Variants in ABCB5 observed in about 807,000 individuals in gnomAD.
ABCB5 encodes the protein ATP-binding cassette sub-family B member 5.
ABCB5 carries 155 observed loss-of-function variants against 144.2 expected under a neutral mutation model. The ratio of observed to expected loss-of-function variants is 1.08; its 90% CI spans 0.94 to 1.23. The LOEUF is 1.23. Ranked by LOEUF, ABCB5 falls within the 50% of genes most tolerant of loss-of-function variation. The pLI, the probability that ABCB5 is intolerant of heterozygous loss-of-function variation, is 0.00. For synonymous variants in ABCB5, 610 were observed against 528.6 expected, an observed-to-expected ratio of 1.15 and a Z score of -2.11; for missense variants, 1,830 against 1,520.8, an observed-to-expected ratio of 1.20 and a Z score of -3.38.
At chr7:20,729,280 G>A (rs569439949) in intron 23 of ABCB5, among the ~76,000 whole-genome samples, 1 of 152,272 alleles carries the variant, frequency 6.6e-6, no homozygotes, top group Non-Finnish European at 1.5e-5. Flanking sequence ...GAATGTGGGG[G>A]CAAAATATGC....
At chr7:20,704,398 C>T (rs1786747121) in intron 19 of ABCB5, among the ~76,000 whole-genome samples, 1 of 152,028 alleles carries the variant, frequency 6.6e-6, no homozygotes, top group Non-Finnish European at 1.5e-5. Context: ...TGAATTATGT[C>T]TGCTTTTCAC....
intron 4 of ABCB5, 45 bp from the exon 5 acceptor site, chr7:20,632,014 A>G (rs1444355714): frequency 7.6e-7 from 1 of 1,310,386 alleles, no homozygotes; most frequent in Non-Finnish European, 1.0e-6. Flanking sequence ...AGTGTGACCA[A>G]TTATAAATTA....
At chr7:20,681,928 C>A (rs1012758651) in intron 15 of ABCB5, among the ~76,000 whole-genome samples, 2 of 152,158 alleles carry the variant, frequency 1.3e-5, no homozygotes, top group African/African-American at 4.8e-5. Context: ...TGTATGTGAC[C>A]AGAAAGGGTG....
At chr7:20,698,067 T>C (rs183637865) in intron 16 of ABCB5, among the ~76,000 whole-genome samples, 4 of 152,324 alleles carry the variant, frequency 2.6e-5, no homozygotes, top group East Asian at 1.9e-4. Flanking sequence ...CAATATTCCA[T>C]CCAGTTTAAC....
intron 1 of ABCB5, among the ~76,000 whole-genome samples, chr7:20,617,220 G>A (rs898269475): frequency 6.6e-6 from 1 of 152,156 alleles, no homozygotes; most frequent in Non-Finnish European, 1.5e-5. Context: ...ACCTGGCACA[G>A]TATATATCTA....
At chr7:20,667,001 G>A (rs1256617253) in intron 14 of ABCB5, 2 of 739,696 alleles carry the variant, frequency 2.7e-6, no homozygotes, top group East Asian at 7.1e-5. Context: ...ACTATGAGGA[G>A]TATATCGGTT....
rs79119315 is a variant in ABCB5, at chr7:20,700,981, G to C, written c.2337+846G>C. ...TAGGAGCAGTGCTCTGAAGGCTGCC[G>C]TGCAACAGCTGTACTCTTAGGGAGC... On this transcript the variant is annotated intron_variant, in intron 19 of 27. Coordinates refer to ENST00000404938, the MANE Select transcript of ABCB5 (RefSeq NM_001163941.2). 1.0e-3 allele frequency among the ~76,000 whole-genome samples: 158 copies of C among 152,260 alleles called. 5 individuals are homozygous for C. In the East Asian group the frequency reaches 0.023, roughly 22 times the overall value.
intron 24 of ABCB5, among the ~76,000 whole-genome samples, chr7:20,739,701 G>A (rs544813641): frequency 7.9e-5 from 12 of 151,832 alleles, no homozygotes; most frequent in South Asian, 6.2e-4. Context: ...ATGAAGATTC[G>A]TATTAAGGTT....
intron 14 of ABCB5, chr7:20,658,977 A>G (rs1490323484): frequency 1.4e-6 from 2 of 1,445,492 alleles, no homozygotes; most frequent in Non-Finnish European, 1.9e-6. Flanking sequence ...GTGGCCCACC[A>G]CTATCATCAC....
intron 24 of ABCB5, among the ~76,000 whole-genome samples, chr7:20,742,470 C>A (rs1782591028): frequency 6.6e-6 from 1 of 152,148 alleles, no homozygotes; most frequent in South Asian, 2.1e-4. Flanking sequence ...GAGAAATAAC[C>A]CTCATACATA....
intron 5 of ABCB5, among the ~76,000 whole-genome samples, chr7:20,636,088 G>A (rs768839508): frequency 2.0e-5 from 3 of 152,104 alleles, no homozygotes; most frequent in Admixed American, 6.6e-5. Context: ...GGGCTACAAT[G>A]TGAATGATGC....
At chr7:20,720,349 A>T (rs1028096771) in intron 20 of ABCB5, among the ~76,000 whole-genome samples, 5 of 152,382 alleles carry the variant, frequency 3.3e-5, no homozygotes, top group African/African-American at 1.2e-4. Context: ...TTGGATTTTG[A>T]CATAGCTTCA....
rs1020361365 is a variant in ABCB5 at position 20,658,983 on chromosome 7, A to G, written c.1707+307A>G. The G allele has an allele frequency of 6.1e-6, 9 of 1,484,508 alleles. No individual in the cohort carries two copies. In the Admixed American group the frequency reaches 1.3e-4, roughly 22 times the overall value. 92.0% of individuals were successfully genotyped at this position (1,484,508 alleles called of 1,614,324 possible). On this transcript the variant is annotated intron_variant, in intron 14 of 27. Transcript: ENST00000404938. ...CTCCCTAGAGTGGCCCACCACTATC[A>G]TCACTATTATAACCATGCCCACCCT...
At position 20,745,218 on chromosome 7, in the gene ABCB5, T is replaced by A; in HGVS notation, c.3223-14T>A. ...GTGATCTTAACACACCATTCTCCAA[T>A]CTGCTTTTGGCAGCTGTTTGATGGT... On this transcript the variant is annotated splice_polypyrimidine_tract_variant and intron_variant, in intron 25 of 27. Transcript: ENST00000404938. The A allele has an allele frequency of 2.5e-6, 4 of 1,613,504 alleles. No individual in the cohort carries two copies. The highest frequency in any genetic ancestry group is 3.4e-6 in the Non-Finnish European group (4 of 1,179,516).
At chr7:20,671,227 T>C (rs1194208363) in intron 14 of ABCB5, among the ~76,000 whole-genome samples, 3 of 152,236 alleles carry the variant, frequency 2.0e-5, no homozygotes, top group African/African-American at 7.2e-5. Flanking sequence ...CATTAAAATG[T>C]CTCAGTCTCA....
chr7:20,629,748 G>A (rs538138781), intron 4 of ABCB5, among the ~76,000 whole-genome samples: 1 of 152,012 alleles, frequency 6.6e-6, no homozygotes, highest in South Asian at 2.1e-4. Flanking sequence ...GGCAACAAGA[G>A]CGAAACTCCA....
At chr7:20,659,461 G>A (rs980283227) in intron 14 of ABCB5, 5 of 1,079,458 alleles carry the variant, frequency 4.6e-6, no homozygotes, top group East Asian at 6.4e-5. Flanking sequence ...AACCAGAAAC[G>A]GATACTGGCA....
At chr7:20,753,265 C>A (rs1782987079) in intron 26 of ABCB5, 95 bp from the exon 27 acceptor site, 2 of 1,449,692 alleles carry the variant, frequency 1.4e-6, no homozygotes, top group Non-Finnish European at 1.9e-6. Context: ...TCAAGAGTAG[C>A]AAAATTTGAA....
At chr7:20,710,088 C>T (rs1361894014) in intron 20 of ABCB5, among the ~76,000 whole-genome samples, 3 of 147,192 alleles carry the variant, frequency 2.0e-5, no homozygotes, top group African/African-American at 7.6e-5. Context: ...AAATAGGTAG[C>T]CAGGGGTGGT....
Sources: allele counts gnomAD v4.1 joint callset (sites outside exome capture counted in the v4.1 genomes callset), GRCh38; gene constraint gnomAD v4.1.1; transcripts MANE v1.5; gene names NCBI Gene and HGNC (gene_info 2026-07-23, HGNC 2026-07-21).